Variants in ITGB2 observed in about 807,000 individuals in gnomAD.
ITGB2 encodes integrin beta-2.
ITGB2 carries 56 observed loss-of-function variants against 86.8 expected under a neutral mutation model. The ratio of observed to expected loss-of-function variants is 0.65; its 90% CI spans 0.52 to 0.81. The LOEUF (loss-of-function observed/expected upper bound fraction) is 0.81, where lower values mean the gene tolerates loss of function less well. ITGB2 is among the 30% of genes least tolerant of loss of function. The pLI, the probability that ITGB2 is intolerant of heterozygous loss-of-function variation, is 0.00. For missense variants in ITGB2, 948 were observed against 1,061.2 expected, an observed-to-expected ratio of 0.89 and a Z score of 1.48; for synonymous variants, 457 against 450.4, an observed-to-expected ratio of 1.01 and a Z score of -0.19.
chr21:44,890,426 C>T (rs545997198), intron 11 of ITGB2, among the ~76,000 whole-genome samples: 10 of 152,226 alleles, frequency 6.6e-5, no homozygotes, highest in Admixed American at 2.0e-4. Context: ...CAGGATGTCC[C>T]GAGGGGAAAG....
chr21:44,918,566 C>A (rs1445622354), intron 1 of ITGB2, among the ~76,000 whole-genome samples: 1 of 152,224 alleles, frequency 6.6e-6, no homozygotes. Flanking sequence ...CTGCTCACCC[C>A]ATGCCCCTTC....
rs950415319 is a variant in ITGB2, at chr21:44,910,389, G to A, written c.59-17C>T. On this transcript the variant is annotated splice_polypyrimidine_tract_variant and intron_variant, in intron 2 of 15. Transcript: ENST00000652462. Reference sequence around the variant, plus strand: ...GAGAGAGGACTGAGGGACGAGGCCGGCTGGTGAGTGGGTGCTCTGGGCCGC... The same window carrying A: ...GAGAGAGGACTGAGGGACGAGGCCGACTGGTGAGTGGGTGCTCTGGGCCGC... 1.2e-6 allele frequency: 2 copies of A among 1,613,966 alleles called. No homozygotes were observed. Among genetic ancestry groups the A allele is most frequent in the Non-Finnish European group, 1.7e-6 (2 of 1,179,996 alleles).
In ITGB2 at chr21:44,892,002, G is replaced by A. The variant is rs2083792690; in HGVS notation, c.1225-6C>T. ...ACCTTCACCTGGAAGGTGATCTGCA[G>A]GGCAGTGCTGGGCTCAGGTGGGGAC... On this transcript the variant is annotated splice_polypyrimidine_tract_variant and splice_region_variant and intron_variant, in intron 10 of 15. Coordinates refer to ENST00000652462, the MANE Select transcript of ITGB2 (RefSeq NM_000211.5). 1 of 1,610,726 alleles carries A rather than the reference G, an allele frequency of 6.2e-7. No homozygotes were observed. Among genetic ancestry groups the A allele is most frequent in the African/African-American group, 1.3e-5 (1 of 74,922 alleles).
chr21:44,900,535 G>A, intron 6 of ITGB2, 60 bp from the exon 7 acceptor site: 1 of 1,601,022 alleles, frequency 6.2e-7, no homozygotes. Flanking sequence ...CCGGCCCTCT[G>A]GAGCAGAGGA....
intron 4 of ITGB2, among the ~76,000 whole-genome samples, chr21:44,903,884 G>A (rs2084003634): frequency 6.6e-6 from 1 of 152,136 alleles, no homozygotes; most frequent in African/African-American, 2.4e-5. Context: ...CCCCATGCCT[G>A]CAGTCCCACG....
chr21:44,889,605 G>A (rs1032082872), intron 12 of ITGB2, 110 bp from the exon 13 acceptor site: 5 of 1,053,792 alleles, frequency 4.7e-6, no homozygotes, highest in Non-Finnish European at 5.6e-6. Flanking sequence ...TCCAGCCTGG[G>A]GGATGTTCCT....
rs771559541 is a variant in ITGB2, at chr21:44,909,016, CCCTT to C, written c.147+1264_147+1267del. ...GAGAGAGGCTGCAGAGAAGGAGAGA[CCCTT>C]CCTTAGGTTGGCAGCCGTGAGTGGC... On this transcript the variant is annotated intron_variant, in intron 3 of 15. Coordinates refer to ENST00000652462, the MANE Select transcript of ITGB2 (RefSeq NM_000211.5). Among the ~76,000 whole-genome samples, 148 of 152,226 alleles carry C rather than the reference CCCTT, an allele frequency of 9.7e-4. 2 individuals carry two copies. Among genetic ancestry groups the C allele is most frequent in the Non-Finnish European group, 3.8e-4 (26 of 68,046 alleles).
At chr21:44,920,575 C>T (rs1020659408) in intron 1 of ITGB2, among the ~76,000 whole-genome samples, 2 of 152,166 alleles carry the variant, frequency 1.3e-5, no homozygotes, top group Non-Finnish European at 2.9e-5. Flanking sequence ...CTTGTCCTCC[C>T]ATGCCGGCCC....
chr21:44,897,498 C>T (rs779044018), intron 8 of ITGB2, among the ~76,000 whole-genome samples: 3 of 152,288 alleles, frequency 2.0e-5, no homozygotes, highest in East Asian at 1.9e-4. Flanking sequence ...TGAGGATAAT[C>T]GGGCCCTTTA....
At chr21:44,908,872 C>T (rs1433686650) in intron 3 of ITGB2, among the ~76,000 whole-genome samples, 3 of 152,102 alleles carry the variant, frequency 2.0e-5, no homozygotes, top group African/African-American at 4.8e-5. Context: ...AACGGTAGAA[C>T]GGGGATGCAT....
chr21:44,917,346 T>C (rs1192160735), intron 1 of ITGB2, among the ~76,000 whole-genome samples: 1 of 152,234 alleles, frequency 6.6e-6, no homozygotes, highest in East Asian at 1.9e-4. Context: ...ATATTCTGCA[T>C]TTCTCTGGGT....
At chr21:44,889,634 C>T in intron 12 of ITGB2, 139 bp from the exon 13 acceptor site, 1 of 900,488 alleles carries the variant, frequency 1.1e-6, no homozygotes, top group African/African-American at 1.6e-5. Context: ...GGCATGGGGC[C>T]ACTAGCCAGG....
intron 4 of ITGB2, among the ~76,000 whole-genome samples, chr21:44,904,066 C>A (rs552215842): frequency 6.6e-6 from 1 of 152,132 alleles, no homozygotes; most frequent in Admixed American, 6.5e-5. Flanking sequence ...TACCTGTCAC[C>A]GCAACCAGCC....
At chr21:44,892,674 G>T (rs1394350703) in intron 10 of ITGB2, among the ~76,000 whole-genome samples, 1 of 142,418 alleles carries the variant, frequency 7.0e-6, no homozygotes, top group Non-Finnish European at 1.5e-5. Flanking sequence ...GAATTCCAAA[G>T]TCATATTAAG....
At chr21:44,915,388 CG>C (rs569580269) in intron 1 of ITGB2, among the ~76,000 whole-genome samples, 156 of 152,256 alleles carry the variant, frequency 1.0e-3, no homozygotes, top group African/African-American at 3.5e-3. Flanking sequence ...CCAGAGGCCC[CG>C]CAGACCCATT....
chr21:44,906,977 T>G lies in ITGB2; in HGVS notation c.266A>C (p.Glu89Ala), dbSNP rs766550305. The change falls in exon 4 of 16, where the codon GAA (glutamate) becomes GCA (alanine). Residue 89 changes from glutamate (E) to alanine (A), a missense_variant. Physicochemically the swap from Glu to Ala is moderately radical, Grantham distance 107. Transcript: ENST00000652462. The part of the protein sequence containing the change: ...MDPTSLAETQ[E>A]DHNGGQKQLS... ...CTGCTTCTGGCCCCCATTGTGGTCT[T>G]CCTGGGTTTCAGCGAGGCTTGTGGG... 14 of 1,614,072 alleles carry G rather than the reference T, an allele frequency of 8.7e-6. No homozygotes were observed.
At chr21:44,904,460 C>T (rs1467853726) in intron 4 of ITGB2, among the ~76,000 whole-genome samples, 6 of 151,924 alleles carry the variant, frequency 3.9e-5, no homozygotes, top group Non-Finnish European at 1.5e-5. Flanking sequence ...TATACACGCA[C>T]ATGGCACCCA....
At chr21:44,921,681 T>G (rs1057474694), upstream of ITGB2, among the ~76,000 whole-genome samples, 6 of 152,124 alleles carry the variant, frequency 3.9e-5, no homozygotes, top group African/African-American at 1.4e-4. Flanking sequence ...CTCAGACACA[T>G]TACTACCCTA....
chr21:44,925,879 C>T (rs1051716440), upstream of ITGB2, among the ~76,000 whole-genome samples: 4 of 152,150 alleles, frequency 2.6e-5, no homozygotes, highest in African/African-American at 7.2e-5. Flanking sequence ...GAGTTCGAGA[C>T]CATCCTGGCT....
Sources: allele counts gnomAD v4.1 joint callset (sites outside exome capture counted in the v4.1 genomes callset), GRCh38; gene constraint gnomAD v4.1.1; transcripts MANE v1.5; gene names NCBI Gene and HGNC (gene_info 2026-07-23, HGNC 2026-07-21).